Variants in CACNA1B observed in about 807,000 individuals in gnomAD.
CACNA1B encodes the protein calcium voltage-gated channel subunit alpha1 B.
A neutral mutation model predicts 247.2 loss-of-function variants in CACNA1B; 70 were observed. The ratio of observed to expected loss-of-function variants is 0.28; its 90% confidence interval spans 0.23 to 0.35. The LOEUF (loss-of-function observed/expected upper bound fraction) is 0.35, where lower values mean the gene tolerates loss of function less well. Ranked by LOEUF, CACNA1B falls within the 10% of genes least tolerant of loss-of-function variation. The pLI is 1.00. For missense variants in CACNA1B, 2,367 were observed against 3,197.4 expected (o/e 0.74, Z 6.26); for synonymous variants, 1,231 against 1,294.4 (o/e 0.95, Z 1.05).
intron 18 of CACNA1B, 80 bp downstream of exon 18, chr9:138,013,315 C>T: frequency 9.3e-7 from 1 of 1,072,728 alleles, no homozygotes; most frequent in South Asian, 1.6e-5. Flanking sequence ...CCAGGGCACC[C>T]CTTCCAGAGG....
intron 15 of CACNA1B, among the ~76,000 whole-genome samples, chr9:138,004,894 T>A (rs1312394699): frequency 6.6e-6 from 1 of 152,102 alleles, no homozygotes; most frequent in Non-Finnish European, 1.5e-5. Flanking sequence ...ATACTCAACA[T>A]CACTAATCAT....
rs569123134 is a variant in CACNA1B at position 138,089,686 on chromosome 9, A to T, written c.5095-6798A>T. On this transcript the variant is annotated intron_variant, in intron 36 of 46. Transcript: ENST00000371372. ...AAAAAATAAGCCGCATCCAAACTGG[A>T]AAGAAGGAAGTCAAATTGTTCCTGT... 3.3e-5 allele frequency among the ~76,000 whole-genome samples: 5 copies of T among 152,342 alleles called. No homozygotes were observed. In the South Asian group the frequency reaches 1.0e-3, roughly 32 times the overall value.
In CACNA1B at chr9:137,984,184, C is replaced by T. The variant is rs1302385051; in HGVS notation, c.1703C>T (p.Pro568Leu). The T allele has an allele frequency of 1.2e-6, 2 of 1,604,908 alleles. No individual in the cohort carries two copies. Among genetic ancestry groups the T allele is most frequent in the East Asian group, 4.5e-5 (2 of 44,490 alleles). The change falls in exon 13 of 47, where the codon CCG (proline) becomes CTG (leucine). Residue 568 changes from proline (P) to leucine (L), a missense_variant. By Grantham distance (98) the Pro-to-Leu change is moderately conservative (BLOSUM62 -3). Transcript: ENST00000371372. ...VFEVVWAAIK[P>L]GSSFGISVLR... ...GAAGTGGTCTGGGCGGCCATCAAGC[C>T]GGGAAGCTCCTTTGGGATCAGTGTG... is the stretch of plus-strand genomic sequence containing the variant.
In CACNA1B at chr9:137,986,359, T is replaced by C; in HGVS notation, c.1770-54T>C. 16 of 1,602,596 alleles carry C rather than the reference T, an allele frequency of 1.0e-5. No individual in the cohort carries two copies. Among genetic ancestry groups the C allele is most frequent in the Non-Finnish European group, 1.4e-5 (16 of 1,173,576 alleles). ...CCTTAAGTGTGGCTGCAGAGAGCCA[T>C]GAATGTGAAGTCAGCGTCTGGAGCT... On this transcript the variant is annotated intron_variant, in intron 13 of 46. Coordinates refer to ENST00000371372, the MANE Select transcript of CACNA1B (RefSeq NM_000718.4). The surrounding 1 kb of genome is among the most constrained non-coding windows in gnomAD (Gnocchi z 6.0).
chr9:137,972,288 A>AC (rs1159270634), intron 11 of CACNA1B, among the ~76,000 whole-genome samples: 2 of 150,272 alleles, frequency 1.3e-5, no homozygotes, highest in East Asian at 3.9e-4. Context: ...CAAAGAGTCC[A>AC]CCCATGTTTT....
At chr9:138,035,450 C>A (rs570374343) in intron 20 of CACNA1B, among the ~76,000 whole-genome samples, 1 of 151,950 alleles carries the variant, frequency 6.6e-6, no homozygotes, top group Non-Finnish European at 1.5e-5. Context: ...TGGGCAACAG[C>A]GAGACTGTCT....
Position 137,918,001 on chromosome 9 carries a change from G to A in CACNA1B, c.966+570G>A, listed in dbSNP as rs371678379. On this transcript the variant is annotated intron_variant, in intron 6 of 46. Transcript: ENST00000371372. Reference sequence around the variant, plus strand: ...CTGCCCGGCGAAGGTGGTGAACCGCGGAGCAGGGCCGAGGCCCCCAAGACC... The same window carrying A: ...CTGCCCGGCGAAGGTGGTGAACCGCAGAGCAGGGCCGAGGCCCCCAAGACC... Among the ~76,000 whole-genome samples, 43 of 152,342 alleles carry A rather than the reference G, an allele frequency of 2.8e-4. No individual in the cohort carries two copies. The South Asian group carries it at 3.9e-3, about 14-fold the overall frequency.
chr9:138,020,312 A>C lies in CACNA1B; in HGVS notation c.2268-2699A>C, dbSNP rs537552820. 2.7e-4 allele frequency among the ~76,000 whole-genome samples: 41 copies of C among 152,234 alleles called. No homozygotes were observed. The highest frequency in any genetic ancestry group is 2.1e-3 in the South Asian group (10 of 4,816). On this transcript the variant is annotated intron_variant, in intron 18 of 46. Transcript: ENST00000371372. This position sits in a 1 kb window ranked among gnomAD's most constrained non-coding sequence, Gnocchi z 4.1. ...TCCCTGGAACAGCTGGGTTGTGCCT[A>C]CCAGCTGAGGCCAGGACACAGGGGT... is the stretch of plus-strand genomic sequence containing the variant.
chr9:138,057,026 C>T lies in CACNA1B; in HGVS notation c.3969-706C>T, dbSNP rs567691864. ...TCTCGGCTCACTGCAGGCTCCACCTCCCGGGTTCACGCCATTCTCCTGCCT... is the reference window on the plus strand; with the variant it reads ...TCTCGGCTCACTGCAGGCTCCACCTTCCGGGTTCACGCCATTCTCCTGCCT... On this transcript the variant is annotated intron_variant, in intron 26 of 46. Coordinates refer to ENST00000371372, the MANE Select transcript of CACNA1B (RefSeq NM_000718.4). The surrounding 1 kb of genome is among the most constrained non-coding windows in gnomAD (Gnocchi z 4.0). Among the ~76,000 whole-genome samples, 3 of 151,046 alleles carry T rather than the reference C, an allele frequency of 2.0e-5. No individual in the cohort carries two copies. The highest frequency in any genetic ancestry group is 6.6e-5 in the Admixed American group (1 of 15,140).
At chr9:137,927,597 A>G (rs1220707759) in intron 6 of CACNA1B, among the ~76,000 whole-genome samples, 1 of 152,212 alleles carries the variant, frequency 6.6e-6, no homozygotes, top group Non-Finnish European at 1.5e-5. Context: ...TGGTCTGCGT[A>G]TCTCGATCTA....
rs866490356 is a variant in CACNA1B, at chr9:138,051,556, C to A, written c.3711-536C>A. Among the ~76,000 whole-genome samples, 2 of 143,046 alleles carry A rather than the reference C, an allele frequency of 1.4e-5. No individual in the cohort carries two copies. The highest frequency in any genetic ancestry group is 2.6e-5 in the African/African-American group (1 of 38,896). The allele number at this position is 143,046 out of a possible 152,430, so 93.8% of individuals were successfully genotyped here. On this transcript the variant is annotated intron_variant, in intron 24 of 46. Transcript: ENST00000371372. The surrounding 1 kb of genome is among the most constrained non-coding windows in gnomAD (Gnocchi z 4.3). ...TGTATTCGTCCGACTTTTTCTCTTT[C>A]TTACTCTCCTTCCCCTCTTCTGTCT...
At chr9:138,068,179 A>C (rs59123023) in intron 31 of CACNA1B, among the ~76,000 whole-genome samples, 4,223 of 152,270 alleles carry the variant, frequency 0.028, 195 homozygotes, top group African/African-American at 0.095. Flanking sequence ...ATGCATTTCC[A>C]GAGTTTCTGG....
At chr9:137,987,751 AT>A (rs1368196140) in intron 15 of CACNA1B, among the ~76,000 whole-genome samples, 2 of 152,130 alleles carry the variant, frequency 1.3e-5, no homozygotes, top group Non-Finnish European at 2.9e-5. Context: ...AAATTAGACG[AT>A]TGGCTCAAAG....
chr9:137,939,759 C>T lies in CACNA1B; in HGVS notation c.967-12515C>T, dbSNP rs147199835. ...CGGAGCTTGCAGTGAGCTGAGATCACGCCACTGCACTCTAGCCTGGGCAAC... is the reference window on the plus strand; with the variant it reads ...CGGAGCTTGCAGTGAGCTGAGATCATGCCACTGCACTCTAGCCTGGGCAAC... On this transcript the variant is annotated intron_variant, in intron 6 of 46. Transcript: ENST00000371372. 3.3e-4 allele frequency among the ~76,000 whole-genome samples: 50 copies of T among 151,396 alleles called. No individual in the cohort carries two copies. The East Asian group carries it at 8.7e-3, about 26-fold the overall frequency.
chr9:138,005,754 T>TA (rs371005967), intron 15 of CACNA1B, among the ~76,000 whole-genome samples: 3 of 151,470 alleles, frequency 2.0e-5, no homozygotes, highest in East Asian at 4.0e-4. Flanking sequence ...TAAAAAGAAT[T>TA]AAAAAACGGC....
chr9:137,921,316 C>T (rs989564193), intron 6 of CACNA1B, among the ~76,000 whole-genome samples: 2 of 151,606 alleles, frequency 1.3e-5, no homozygotes, highest in East Asian at 1.9e-4. Flanking sequence ...ACCACGGCCG[C>T]GCAGCATCCT....
Position 138,049,189 on chromosome 9 carries a change from C to T in CACNA1B, c.3604-20C>T, listed in dbSNP as rs199966093. On this transcript the variant is annotated intron_variant, in intron 23 of 46. Transcript: ENST00000371372. ...CTTTTCTGGACTATGACGTATCTAACGTGTGTTTCTCCCTCCTAGATGATC... is the reference window on the plus strand; with the variant it reads ...CTTTTCTGGACTATGACGTATCTAATGTGTGTTTCTCCCTCCTAGATGATC... 8.3e-5 allele frequency: 122 copies of T among 1,473,700 alleles called. No individual in the cohort carries two copies. The highest frequency in any genetic ancestry group is 3.4e-4 in the Middle Eastern group (2 of 5,804). The allele number at this position is 1,473,700 out of a possible 1,614,324, so 91.3% of individuals were successfully genotyped here. A position where few individuals can be genotyped will look rare whatever the true frequency, so the allele number is the denominator to read the frequency against.
intron 6 of CACNA1B, among the ~76,000 whole-genome samples, chr9:137,939,747 G>A (rs1957709755): frequency 1.3e-5 from 2 of 151,676 alleles, no homozygotes; most frequent in Non-Finnish European, 2.9e-5. Flanking sequence ...AGCTTGCAGT[G>A]AGCTGAGATC....
In CACNA1B at chr9:138,020,098, CAAAAAAAAAA is replaced by C. The variant is rs4066675; in HGVS notation, c.2268-2901_2268-2892del. Among the ~76,000 whole-genome samples the C allele has an allele frequency of 1.2e-5, 1 of 83,818 alleles. No individual in the cohort carries two copies. The highest frequency in any genetic ancestry group is 2.7e-5 in the Non-Finnish European group (1 of 37,640). 55.0% of individuals were successfully genotyped at this position (83,818 alleles called of 152,430 possible). A position where few individuals can be genotyped will look rare whatever the true frequency, so the allele number is the denominator to read the frequency against. Reference sequence around the variant, plus strand: ...GGCGACACAGCGAGACTCTGTCTCCCAAAAAAAAAAAAAAAAAAAAATGCAGATGGCAGGT... The same window carrying C: ...GGCGACACAGCGAGACTCTGTCTCCCAAAAAAAAAAATGCAGATGGCAGGT... On this transcript the variant is annotated intron_variant, in intron 18 of 46. Transcript: ENST00000371372. The surrounding 1 kb of genome is among the most constrained non-coding windows in gnomAD (Gnocchi z 4.1).
Sources: allele counts gnomAD v4.1 joint callset (sites outside exome capture counted in the v4.1 genomes callset), GRCh38; gene constraint gnomAD v4.1.1; non-coding constraint Gnocchi (gnomAD v3.1); transcripts MANE v1.5; gene names NCBI Gene and HGNC (gene_info 2026-07-23, HGNC 2026-07-21).